ZNF892: variants seen among roughly 807,000 people sequenced by gnomAD.
The protein encoded by ZNF892 is zinc finger protein 570-like.
the ZNF892 span, among the ~76,000 whole-genome samples, chr2:95,242,840 G>A: frequency 6.6e-6 from 1 of 151,476 alleles, no homozygotes; most frequent in East Asian, 1.9e-4. Flanking sequence ...TCTCCCCACG[G>A]TCTCCCTCTC....
At chr2:95,241,240 C>T in the ZNF892 span, among the ~76,000 whole-genome samples, 677 of 152,260 alleles carry the variant, frequency 4.4e-3, 1 homozygote, top group Non-Finnish European at 8.1e-3. Context: ...ATGTTTGGGC[C>T]GGCAACAGGT....
the ZNF892 span, among the ~76,000 whole-genome samples, chr2:95,225,470 A>G: frequency 6.6e-6 from 1 of 152,116 alleles, no homozygotes; most frequent in African/African-American, 2.4e-5. Context: ...AGGAGACTGA[A>G]CTCACGCTTT....
At chr2:95,206,623 T>C in the ZNF892 span, among the ~76,000 whole-genome samples, 1 of 152,248 alleles carries the variant, frequency 6.6e-6, no homozygotes, top group Non-Finnish European at 1.5e-5. Flanking sequence ...TATAATTAGA[T>C]ATACGGGGTA....
the ZNF892 span, among the ~76,000 whole-genome samples, chr2:95,231,817 C>T: frequency 3.3e-5 from 5 of 151,990 alleles, no homozygotes; most frequent in Admixed American, 1.3e-4. Context: ...TCAGCCTCAC[C>T]AGGTGGCAGT....
At chr2:95,213,287 G>A in the ZNF892 span, among the ~76,000 whole-genome samples, 3 of 152,052 alleles carry the variant, frequency 2.0e-5, no homozygotes, top group Non-Finnish European at 4.4e-5. Flanking sequence ...ATGTCCATTT[G>A]CTTTTAACCT....
At chr2:95,235,434 T>C in the ZNF892 span, among the ~76,000 whole-genome samples, 1 of 151,178 alleles carries the variant, frequency 6.6e-6, no homozygotes, top group East Asian at 2.0e-4. Flanking sequence ...CAATCTCGGC[T>C]CACTGCAACC....
the ZNF892 span, among the ~76,000 whole-genome samples, chr2:95,245,741 T>A: frequency 6.6e-6 from 1 of 152,146 alleles, no homozygotes; most frequent in Admixed American, 6.5e-5. Flanking sequence ...TAAACAGTTC[T>A]ATGCACATAA....
the ZNF892 span, chr2:95,215,481 A>C: frequency 1.4e-5 from 6 of 433,628 alleles, no homozygotes; most frequent in African/African-American, 1.2e-4. Flanking sequence ...AAAAGCCTTT[A>C]GCCAGAGTTC....
the ZNF892 span, among the ~76,000 whole-genome samples, chr2:95,243,183 G>A: frequency 3.3e-5 from 5 of 152,090 alleles, no homozygotes; most frequent in East Asian, 1.9e-4. Context: ...GTGCAGTGGC[G>A]TGATCTCGGC....
At chr2:95,236,175 A>G in the ZNF892 span, among the ~76,000 whole-genome samples, 1 of 152,216 alleles carries the variant, frequency 6.6e-6, no homozygotes, top group South Asian at 2.1e-4. Flanking sequence ...CCTTGGCAAT[A>G]TAGTTAATGT....
chr2:95,225,199 T>TA, the ZNF892 span, among the ~76,000 whole-genome samples: 183 of 152,338 alleles, frequency 1.2e-3, no homozygotes, highest in South Asian at 5.4e-3. Flanking sequence ...TTTCCTTTTT[T>TA]AAAAAAATCT....
At chr2:95,214,898 C>T in the ZNF892 span, 3 of 502,716 alleles carry the variant, frequency 6.0e-6, no homozygotes. Flanking sequence ...CCTTCAGTCA[C>T]CGCTCAGCCC....
chr2:95,235,339 T>C, the ZNF892 span, among the ~76,000 whole-genome samples: 1 of 151,890 alleles, frequency 6.6e-6, no homozygotes, highest in Admixed American at 6.6e-5. Flanking sequence ...TCTTCAGTTA[T>C]AGCACTGGAT....
the ZNF892 span, among the ~76,000 whole-genome samples, chr2:95,246,515 A>G: frequency 2.0e-5 from 3 of 152,114 alleles, no homozygotes; most frequent in African/African-American, 7.2e-5. Flanking sequence ...CTGGCCAGGG[A>G]AATCAGGCAA....
chr2:95,239,596 A>G, the ZNF892 span, among the ~76,000 whole-genome samples: 1 of 151,908 alleles, frequency 6.6e-6, no homozygotes, highest in African/African-American at 2.4e-5. Flanking sequence ...CAGCAAAAAG[A>G]TAGTTTTTTG....
chr2:95,250,991 A>T, the ZNF892 span, among the ~76,000 whole-genome samples: 4 of 149,134 alleles, frequency 2.7e-5, no homozygotes, highest in African/African-American at 9.8e-5. Context: ...ATAAATGCTT[A>T]TATAAATATT....
At chr2:95,251,194 G>C in the ZNF892 span, among the ~76,000 whole-genome samples, 2 of 151,974 alleles carry the variant, frequency 1.3e-5, no homozygotes, top group Non-Finnish European at 2.9e-5. Flanking sequence ...TGCAAACAGA[G>C]ATCTTACAGT....
chr2:95,255,525 T>C, the ZNF892 span, among the ~76,000 whole-genome samples: 14 of 152,124 alleles, frequency 9.2e-5, no homozygotes, highest in Non-Finnish European at 1.8e-4. Flanking sequence ...GGAATAGGTG[T>C]GGTGTGGTGC....
chr2:95,243,505 C>A, the ZNF892 span, among the ~76,000 whole-genome samples: 1 of 151,784 alleles, frequency 6.6e-6, no homozygotes, highest in Non-Finnish European at 1.5e-5. Context: ...CCCTGCCGCC[C>A]CGTCCGGGAT....
Sources: gnomAD v4.1 joint callset for allele counts (sites outside exome capture counted in the v4.1 genomes callset) on GRCh38, gnomAD v4.1.1 for gene constraint, MANE v1.5 for transcripts, NCBI Gene and HGNC (gene_info 2026-07-23, HGNC 2026-07-21) for gene names.